ATP2B2: variants seen among roughly 807,000 people sequenced by gnomAD.
ATP2B2 encodes the protein ATPase plasma membrane Ca2+ transporting 2.
In ATP2B2, 15 loss-of-function variants were observed where a neutral mutation model predicts 120.0. The observed-to-expected ratio is 0.12, with a 90% confidence interval of 0.08 to 0.19. The LOEUF is 0.19. ATP2B2 is among the 10% of genes least tolerant of loss of function. The pLI, the probability that ATP2B2 is intolerant of heterozygous loss-of-function variation, is 1.00. For missense variants in ATP2B2, 1,045 were observed against 1,719.8 expected (o/e 0.61, Z 6.94); for synonymous variants, 694 against 700.3 (o/e 0.99, Z 0.14).
At chr3:10,522,746 G>T (rs2067010064) in intron 3 of ATP2B2, among the ~76,000 whole-genome samples, 1 of 152,156 alleles carries the variant, frequency 6.6e-6, no homozygotes, top group African/African-American at 2.4e-5. Context: ...AGCAGCCTGG[G>T]GCAGGTGTCC....
chr3:10,436,633 G>A (rs1002326092), intron 2 of ATP2B2, among the ~76,000 whole-genome samples: 6 of 152,212 alleles, frequency 3.9e-5, no homozygotes, highest in Non-Finnish European at 7.3e-5. Flanking sequence ...GCATGTCCCC[G>A]TTTCCTTCTG....
chr3:10,526,398 A>T (rs1214760796), intron 3 of ATP2B2, among the ~76,000 whole-genome samples: 1 of 152,180 alleles, frequency 6.6e-6, no homozygotes, highest in African/African-American at 2.4e-5. Flanking sequence ...CTTGGGGTGC[A>T]AGGAGCTTGA....
chr3:10,370,320 C>T (rs2061189101), intron 12 of ATP2B2, among the ~76,000 whole-genome samples: 1 of 152,234 alleles, frequency 6.6e-6, no homozygotes, highest in Admixed American at 6.5e-5. Flanking sequence ...CGCCCTGTTC[C>T]CCTCTCTGCC....
chr3:10,423,287 T>C (rs745545388), intron 2 of ATP2B2, among the ~76,000 whole-genome samples: 3 of 152,164 alleles, frequency 2.0e-5, no homozygotes, highest in Non-Finnish European at 4.4e-5. Flanking sequence ...CCACATCCGG[T>C]GGCCAGCCTC....
intron 1 of ATP2B2, among the ~76,000 whole-genome samples, chr3:10,646,447 C>T (rs188927362): frequency 1.3e-5 from 2 of 152,234 alleles, no homozygotes; most frequent in East Asian, 1.9e-4. Flanking sequence ...AAGACACCCC[C>T]GATCCTCTGG....
chr3:10,650,412 G>T (rs145745167), intron 1 of ATP2B2, among the ~76,000 whole-genome samples: 2 of 152,332 alleles, frequency 1.3e-5, no homozygotes, highest in African/African-American at 4.8e-5. Flanking sequence ...AAGCATTCAA[G>T]AGGTGACTTG....
At chr3:10,626,409 T>G (rs1424385715) in intron 1 of ATP2B2, 2 of 152,248 alleles carry the variant, frequency 1.3e-5, no homozygotes, top group Non-Finnish European at 2.9e-5. Flanking sequence ...CTGGGGGATC[T>G]GCAGGGGCTG....
At chr3:10,407,050 G>A (rs901418675) in intron 3 of ATP2B2, among the ~76,000 whole-genome samples, 2 of 152,176 alleles carry the variant, frequency 1.3e-5, no homozygotes, top group African/African-American at 4.8e-5. Context: ...GTCCAGTTGC[G>A]GGTCTTTCAT....
chr3:10,371,428 T>G (rs2061238201), intron 12 of ATP2B2, among the ~76,000 whole-genome samples: 1 of 152,224 alleles, frequency 6.6e-6, no homozygotes, highest in African/African-American at 2.4e-5. Flanking sequence ...ACCATCCAGC[T>G]GAACCCAGCT....
chr3:10,580,911 C>T (rs143505714), intron 2 of ATP2B2, among the ~76,000 whole-genome samples: 8 of 152,340 alleles, frequency 5.3e-5, no homozygotes, highest in East Asian at 1.9e-4. Context: ...TGAATCATTG[C>T]GACAGAAGTC....
chr3:10,394,655 C>T, intron 5 of ATP2B2: 1 of 413,616 alleles, frequency 2.4e-6, no homozygotes, highest in South Asian at 1.8e-5. Context: ...TCTCCCATGC[C>T]TGGCCTTCTG....
intron 3 of ATP2B2, among the ~76,000 whole-genome samples, chr3:10,406,389 T>A (rs969572340): frequency 6.6e-6 from 1 of 152,232 alleles, no homozygotes; most frequent in Non-Finnish European, 1.5e-5. Flanking sequence ...AACATAGTCA[T>A]GAGCCATGCA....
chr3:10,375,674 G>T lies in ATP2B2; in HGVS notation c.1202-30C>A, dbSNP rs1290720435. The T allele has an allele frequency of 3.8e-6, 6 of 1,599,100 alleles. No individual in the cohort carries two copies. The highest frequency in any genetic ancestry group is 5.1e-6 in the Non-Finnish European group (6 of 1,167,848). On this transcript the variant is annotated intron_variant, in intron 10 of 22. Coordinates refer to ENST00000360273, the MANE Select transcript of ATP2B2 (RefSeq NM_001001331.4). This position sits in a 1 kb window ranked among gnomAD's most constrained non-coding sequence, Gnocchi z 4.2. ...AATGTGAGGGACACATGCTTGGGGGGTTCCAGGAAGTGGAGGCTGGGGGTG... is the reference window on the plus strand; with the variant it reads ...AATGTGAGGGACACATGCTTGGGGGTTTCCAGGAAGTGGAGGCTGGGGGTG...
At chr3:10,486,156 C>T (rs575639339) in intron 1 of ATP2B2, among the ~76,000 whole-genome samples, 9 of 152,304 alleles carry the variant, frequency 5.9e-5, no homozygotes, top group South Asian at 4.1e-4. Flanking sequence ...GCCCGCTCAT[C>T]GAGCATAAGA....
rs1296405015 is a variant in ATP2B2, at chr3:10,343,007, TGCTGCTGTGAAGTGC to T, written c.2704-57_2704-43del. On this transcript the variant is annotated intron_variant, in intron 18 of 22. Coordinates refer to ENST00000360273, the MANE Select transcript of ATP2B2 (RefSeq NM_001001331.4). This position sits in a 1 kb window ranked among gnomAD's most constrained non-coding sequence, Gnocchi z 4.2. Reference sequence around the variant, plus strand: ...GAGGGCTGTCACCTGTGCGCCCACCTGCTGCTGTGAAGTGCTGGGCGGGCTCATGGTGTAGTGTCC... The same window carrying T: ...GAGGGCTGTCACCTGTGCGCCCACCTTGGGCGGGCTCATGGTGTAGTGTCC... The T allele has an allele frequency of 1.3e-6, 2 of 1,596,806 alleles. No homozygotes were observed. Among genetic ancestry groups the T allele is most frequent in the African/African-American group, 2.7e-5 (2 of 74,584 alleles).
intron 2 of ATP2B2, among the ~76,000 whole-genome samples, chr3:10,554,818 A>G (rs2067744410): frequency 6.6e-6 from 1 of 152,230 alleles, no homozygotes; most frequent in South Asian, 2.1e-4. Flanking sequence ...CCAGGGGAAT[A>G]AAATGATTTA....
chr3:10,704,459 G>A (rs62237053), intron 1 of ATP2B2, among the ~76,000 whole-genome samples: 9 of 152,066 alleles, frequency 5.9e-5, no homozygotes, highest in South Asian at 2.1e-4. Context: ...AAATAAAAAC[G>A]TGTAGCCCCC....
chr3:10,495,774 C>T (rs2066122351), intron 1 of ATP2B2, among the ~76,000 whole-genome samples: 1 of 152,236 alleles, frequency 6.6e-6, no homozygotes, highest in Non-Finnish European at 1.5e-5. Flanking sequence ...ACCACACTGA[C>T]CCCATTTTGT....
At chr3:10,600,152 T>C (rs2068868779) in intron 2 of ATP2B2, among the ~76,000 whole-genome samples, 1 of 152,260 alleles carries the variant, frequency 6.6e-6, no homozygotes, top group Non-Finnish European at 1.5e-5. Flanking sequence ...TGCCCTCTAC[T>C]AGCTCTGCCC....
Sources: gnomAD v4.1 joint callset for allele counts (sites outside exome capture counted in the v4.1 genomes callset) on GRCh38, gnomAD v4.1.1 for gene constraint, Gnocchi (gnomAD v3.1) non-coding constraint, MANE v1.5 for transcripts, NCBI Gene and HGNC (gene_info 2026-07-23, HGNC 2026-07-21) for gene names.